Variants in CCDC141 observed in about 807,000 individuals in gnomAD.
CCDC141 encodes coiled-coil domain containing 141.
CCDC141 carries 168 observed loss-of-function variants against 181.0 expected under a neutral mutation model. That is an observed-to-expected ratio of 0.93 (90% CI 0.82 to 1.05). CCDC141 has a LOEUF of 1.05. Among genes scored for constraint, CCDC141 ranks in the 50% least tolerant of loss-of-function variants. The probability of loss-of-function intolerance (pLI) is 0.00; values close to 1 mark genes in which losing one functional copy is unlikely to be tolerated. For missense variants in CCDC141, 1,902 were observed against 1,788.5 expected (o/e 1.06, Z -1.14); for synonymous variants, 666 against 642.3 (o/e 1.04, Z -0.56).
At chr2:178,823,721 T>C in the CCDC141 span, among the ~76,000 whole-genome samples, 1 of 152,202 alleles carries the variant, frequency 6.6e-6, no homozygotes, top group Admixed American at 6.5e-5. Context: ...TTTAAATGAA[T>C]TTATATCTGA....
intron 2 of CCDC141, among the ~76,000 whole-genome samples, chr2:179,017,867 C>T (rs1249703727): frequency 6.6e-6 from 1 of 151,946 alleles, no homozygotes; most frequent in African/African-American, 2.4e-5. Flanking sequence ...GAAGAGCAGC[C>T]CATGAAAAAT....
chr2:178,988,267 A>G (rs940759029), intron 2 of CCDC141, among the ~76,000 whole-genome samples: 2 of 142,900 alleles, frequency 1.4e-5, no homozygotes, highest in Non-Finnish European at 3.0e-5. Flanking sequence ...GGAATTGAAC[A>G]GTGAGATCAC....
intron 8 of CCDC141, among the ~76,000 whole-genome samples, chr2:178,904,433 G>A (rs544851323): frequency 1.4e-4 from 21 of 152,148 alleles, no homozygotes; most frequent in African/African-American, 4.6e-4. Context: ...CTTTAAACTC[G>A]TCTAAAATAG....
chr2:178,980,222 G>A (rs1368453961), intron 2 of CCDC141, among the ~76,000 whole-genome samples: 25 of 152,102 alleles, frequency 1.6e-4, no homozygotes, highest in Non-Finnish European at 1.3e-4. Context: ...GACCGAGGCG[G>A]GCAGATCACG....
At chr2:178,976,281 A>T (rs35667841) in intron 3 of CCDC141, among the ~76,000 whole-genome samples, 2 of 152,174 alleles carry the variant, frequency 1.3e-5, no homozygotes, top group Non-Finnish European at 2.9e-5. Context: ...AATTAAGGAA[A>T]AGTATCAGAC....
Position 179,049,413 on chromosome 2 carries a change from G to A in CCDC141, c.102+427C>T, listed in dbSNP as rs867143609. Among the ~76,000 whole-genome samples the A allele has an allele frequency of 2.6e-5, 4 of 152,082 alleles. No individual in the cohort carries two copies. In the East Asian group the frequency reaches 7.7e-4, roughly 29 times the overall value. On this transcript the variant is annotated intron_variant, in intron 1 of 23. Coordinates refer to ENST00000443758, the MANE Select transcript of CCDC141 (RefSeq NM_173648.4). The stretch of plus-strand genomic sequence containing the variant: ...AGCAGTGCCCTCCCCCTGTCTGTCG[G>A]GACCTGCCTCCTCCCACCTCCATCA...
At chr2:178,859,105 T>A (rs1460286232) in intron 17 of CCDC141, among the ~76,000 whole-genome samples, 1 of 152,200 alleles carries the variant, frequency 6.6e-6, no homozygotes, top group Non-Finnish European at 1.5e-5. Context: ...GGGATCAAGT[T>A]CTTTCTGACA....
At chr2:178,893,803 A>T (rs866992107) in intron 8 of CCDC141, among the ~76,000 whole-genome samples, 1,463 of 134,954 alleles carry the variant, frequency 0.011, 28 homozygotes, top group African/African-American at 0.038. Flanking sequence ...TCTCTCTCAC[A>T]CACACACACA....
intron 2 of CCDC141, among the ~76,000 whole-genome samples, chr2:179,008,585 C>T (rs542158537): frequency 1.3e-5 from 2 of 152,242 alleles, no homozygotes; most frequent in South Asian, 4.2e-4. Context: ...GATTCTGACT[C>T]AATAGGTTTG....
intron 2 of CCDC141, among the ~76,000 whole-genome samples, chr2:178,983,656 T>G (rs13425533): frequency 0.5 from 73,979 of 147,652 alleles, 19,594 homozygotes; most frequent in East Asian, 0.83. Flanking sequence ...GCTCGAGAAC[T>G]ACGTGAAGAA....
intron 21 of CCDC141, among the ~76,000 whole-genome samples, chr2:178,849,617 T>C (rs1207859482): frequency 6.6e-6 from 1 of 152,214 alleles, no homozygotes; most frequent in African/African-American, 2.4e-5. Context: ...ACTATTTCCA[T>C]GAGGAAAAGT....
chr2:179,029,809 C>T lies in CCDC141; in HGVS notation c.225+17475G>A, dbSNP rs139023301. Among the ~76,000 whole-genome samples, 608 of 152,194 alleles carry T rather than the reference C, an allele frequency of 4.0e-3. 3 individuals are homozygous for T. Among genetic ancestry groups the T allele is most frequent in the Non-Finnish European group, 6.1e-3 (418 of 67,974 alleles). ...TTTGATATCCCTGTGCTTAACTAACCCTTTTTGCAGGCCAGTTCTAAGTCT... is the reference window on the plus strand; with the variant it reads ...TTTGATATCCCTGTGCTTAACTAACTCTTTTTGCAGGCCAGTTCTAAGTCT... On this transcript the variant is annotated intron_variant, in intron 2 of 23. Coordinates refer to ENST00000443758, the MANE Select transcript of CCDC141 (RefSeq NM_173648.4).
At position 178,886,871 on chromosome 2, in the gene CCDC141, C is replaced by T; in HGVS notation, c.1408G>A (p.Val470Met). The T allele has an allele frequency of 7.1e-7, 1 of 1,400,874 alleles. No homozygotes were observed. The highest frequency in any genetic ancestry group is 9.3e-7 in the Non-Finnish European group (1 of 1,076,840). The allele number at this position is 1,400,874 out of a possible 1,614,324, so 86.8% of individuals were successfully genotyped here. ...CTGATTTTCTGAATTGACATTTCCA[C>T]CTTTAGGAGTGAATAATATATGGCA... is the stretch of plus-strand genomic sequence containing the variant. ...TASVEGYLRK[V>M]EMSIQKISPV... Residue 470 changes from valine to methionine, a missense_variant and splice_region_variant, in exon 10 of 24, where the codon GTG becomes ATG. Physicochemically the swap from Val to Met is conservative, Grantham distance 21. Coordinates refer to ENST00000443758, the MANE Select transcript of CCDC141 (RefSeq NM_173648.4).
At chr2:179,036,982 C>T (rs952230043) in intron 2 of CCDC141, among the ~76,000 whole-genome samples, 16 of 152,220 alleles carry the variant, frequency 1.1e-4, no homozygotes, top group African/African-American at 3.9e-4. Context: ...GGTTGATTTG[C>T]ATTTCTGCAT....
At chr2:178,945,534 A>T (rs1047347715) in intron 5 of CCDC141, among the ~76,000 whole-genome samples, 5 of 152,170 alleles carry the variant, frequency 3.3e-5, no homozygotes, top group African/African-American at 1.2e-4. Context: ...TTTGTCCTCC[A>T]GTCTGCAGGA....
At chr2:178,967,485 A>C (rs1690692728) in intron 4 of CCDC141, among the ~76,000 whole-genome samples, 1 of 152,188 alleles carries the variant, frequency 6.6e-6, no homozygotes, top group Admixed American at 6.5e-5. Flanking sequence ...ATATCCAGTC[A>C]AACTAAGCTT....
chr2:179,041,542 T>C (rs2043307895), intron 2 of CCDC141, among the ~76,000 whole-genome samples: 1 of 137,140 alleles, frequency 7.3e-6, no homozygotes, highest in Admixed American at 8.2e-5. Flanking sequence ...AGCATCATGA[T>C]GACAAGATGA....
rs1436736675 is a variant in CCDC141, at chr2:178,905,305, GAGAA to G, written c.1265+20_1265+23del. ...AAACTGTGAAAAAGCTTGTTACACT[GAGAA>G]AGAAATCAACTTTACTCACCTGCAG... On this transcript the variant is annotated intron_variant, in intron 8 of 23. Coordinates refer to ENST00000443758, the MANE Select transcript of CCDC141 (RefSeq NM_173648.4). 6.5e-7 allele frequency: 1 copy of G among 1,527,066 alleles called. No individual in the cohort carries two copies. Among genetic ancestry groups the G allele is most frequent in the Admixed American group, 2.2e-5 (1 of 46,418 alleles). The allele number at this position is 1,527,066 out of a possible 1,614,324, so 94.6% of individuals were successfully genotyped here. A position where few individuals can be genotyped will look rare whatever the true frequency, so the allele number is the denominator to read the frequency against.
At chr2:179,015,332 C>T (rs1271805140) in intron 2 of CCDC141, among the ~76,000 whole-genome samples, 4 of 138,232 alleles carry the variant, frequency 2.9e-5, no homozygotes, top group South Asian at 2.3e-4. Flanking sequence ...ATGTATCATA[C>T]ATATCTCATA....
Sources: gnomAD v4.1 joint callset for allele counts (sites outside exome capture counted in the v4.1 genomes callset) on GRCh38, gnomAD v4.1.1 for gene constraint, MANE v1.5 for transcripts, NCBI Gene and HGNC (gene_info 2026-07-23, HGNC 2026-07-21) for gene names.